ERC1: variants seen among roughly 807,000 people sequenced by gnomAD.
The protein encoded by ERC1 is RAB6 interacting protein 2.
Under a neutral mutation model 132.0 loss-of-function variants are expected in ERC1, and 56 were observed. The observed-to-expected ratio is 0.42, with a 90% CI of 0.34 to 0.53. The LOEUF is 0.53. Among genes scored for constraint, ERC1 ranks in the 20% least tolerant of loss-of-function variants. The pLI is 0.03. For synonymous variants in ERC1, 478 were observed against 476.1 expected (o/e 1.00, Z -0.05); for missense variants, 1,202 against 1,349.9 (o/e 0.89, Z 1.72).
chr12:1,494,240 C>A lies in ERC1; in HGVS notation c.*4010C>A, dbSNP rs2094342853. ...ACTGAGGAGGAAGGATGAGAAGAGA[C>A]TGCAATGCAGCAGGCACCCTCTGCA... On this transcript the variant is annotated 3_prime_UTR_variant, in exon 19 of 19. Transcript: ENST00000360905. 1 of 232,292 alleles carries A rather than the reference C, an allele frequency of 4.3e-6. No individual in the cohort carries two copies. The highest frequency in any genetic ancestry group is 8.5e-6 in the Non-Finnish European group (1 of 117,490). 14.4% of individuals were successfully genotyped at this position (232,292 alleles called of 1,614,324 possible). A position where few individuals can be genotyped will look rare whatever the true frequency, so the allele number is the denominator to read the frequency against.
intron 12 of ERC1, among the ~76,000 whole-genome samples, chr12:1,207,392 G>A (rs1957441218): frequency 6.6e-6 from 1 of 152,104 alleles, no homozygotes; most frequent in South Asian, 2.1e-4. Flanking sequence ...ATGGGCAAGA[G>A]TTTATAACCC....
rs1338507841 is a variant in ERC1 at position 1,110,290 on chromosome 12, A to G, written c.1260A>G (p.Glu420=). 1 of 1,613,708 alleles carries G rather than the reference A, an allele frequency of 6.2e-7. No individual in the cohort carries two copies. The highest frequency in any genetic ancestry group is 8.5e-7 in the Non-Finnish European group (1 of 1,179,768). ...SNGALSTEER[E]EEMKQMEVYR... ...GTGCTTTGAGTACTGAGGAAAGGGA[A>G]GAAGAAATGAAGCAAATGGAAGTGT... is the stretch of plus-strand genomic sequence containing the variant. The change falls in exon 5 of 19, where the codon GAA becomes GAG. Residue 420 remains glutamate (E), a synonymous_variant. Transcript: ENST00000360905.
chr12:1,284,065 A>T (rs768568940), intron 14 of ERC1, among the ~76,000 whole-genome samples: 60 of 151,602 alleles, frequency 4.0e-4, no homozygotes, highest in Non-Finnish European at 6.8e-4. Flanking sequence ...TCTCCCTCCT[A>T]CCCTTCCCAG....
intron 15 of ERC1, among the ~76,000 whole-genome samples, chr12:1,291,636 A>T (rs1448400209): frequency 6.6e-6 from 1 of 152,232 alleles, no homozygotes; most frequent in East Asian, 1.9e-4. Context: ...CCATTTGCAT[A>T]GAAAATTCTT....
At chr12:1,121,785 C>A (rs1443152349) in intron 7 of ERC1, among the ~76,000 whole-genome samples, 299 of 7,412 alleles carry the variant, frequency 0.04, 74 homozygotes, top group African/African-American at 0.063. Flanking sequence ...CTCTATCTAT[C>A]TCTATCTCTA....
chr12:1,201,136 A>G (rs1956878158), intron 12 of ERC1, among the ~76,000 whole-genome samples: 1 of 152,206 alleles, frequency 6.6e-6, no homozygotes, highest in Non-Finnish European at 1.5e-5. Flanking sequence ...AGATTAAACA[A>G]AAGTGTAGAT....
At chr12:1,289,119 A>T (rs1594791030) in intron 14 of ERC1, among the ~76,000 whole-genome samples, 1 of 145,642 alleles carries the variant, frequency 6.9e-6, no homozygotes, top group Middle Eastern at 3.6e-3. Context: ...ACACACACAC[A>T]CACACACACA....
intron 8 of ERC1, among the ~76,000 whole-genome samples, chr12:1,167,366 G>A (rs1952529005): frequency 6.6e-6 from 1 of 152,160 alleles, no homozygotes; most frequent in African/African-American, 2.4e-5. Context: ...CTCATCTGTG[G>A]GAATGGCTGT....
intron 13 of ERC1, among the ~76,000 whole-genome samples, chr12:1,240,107 G>T (rs778931747): frequency 2.0e-5 from 3 of 152,208 alleles, no homozygotes; most frequent in Non-Finnish European, 2.9e-5. Context: ...ACTGGCCTAG[G>T]ATAGACAGTT....
chr12:1,158,454 G>A (rs1281665775), intron 8 of ERC1, among the ~76,000 whole-genome samples: 3 of 151,682 alleles, frequency 2.0e-5, no homozygotes, highest in South Asian at 2.1e-4. Context: ...TTTTGAGAAG[G>A]AGTTTTGCTC....
chr12:1,203,907 G>T (rs527991338), intron 12 of ERC1: 1 of 152,426 alleles, frequency 6.6e-6, no homozygotes, highest in Non-Finnish European at 1.5e-5. Context: ...ACCATTTGAG[G>T]ATTGTGGTAG....
chr12:1,053,941 C>T (rs1262319433), intron 2 of ERC1, among the ~76,000 whole-genome samples: 1 of 152,168 alleles, frequency 6.6e-6, no homozygotes, highest in Admixed American at 6.5e-5. Flanking sequence ...AGAGTGTGAT[C>T]TTTAAGCTAG....
At position 1,341,069 on chromosome 12, in the gene ERC1, C is replaced by CTTTTTTTT. The variant is rs35902573; in HGVS notation, c.2781-30729_2781-30722dup. Among the ~76,000 whole-genome samples, 156 of 63,118 alleles carry CTTTTTTTT rather than the reference C, an allele frequency of 2.5e-3. 32 individuals carry two copies. The highest frequency in any genetic ancestry group is 0.011 in the East Asian group (15 of 1,370). The allele number at this position is 63,118 out of a possible 152,430, so 41.4% of individuals were successfully genotyped here. A position where few individuals can be genotyped will look rare whatever the true frequency, so the allele number is the denominator to read the frequency against. On this transcript the variant is annotated intron_variant, in intron 15 of 18. Coordinates refer to ENST00000360905, the MANE Select transcript of ERC1 (RefSeq NM_178040.4). ...AATGTCCACTTATTCTTTTCTTTTT[C>CTTTTTTTT]TTTTTTTTTTTTTTTTTTTTTTTTT... is the stretch of plus-strand genomic sequence containing the variant.
chr12:1,126,801 A>C (rs1382440560), intron 7 of ERC1, among the ~76,000 whole-genome samples: 1 of 152,090 alleles, frequency 6.6e-6, no homozygotes, highest in Non-Finnish European at 1.5e-5. Context: ...CATTCTGGCC[A>C]ACATGGTGAA....
intron 11 of ERC1, among the ~76,000 whole-genome samples, chr12:1,186,273 AG>A (rs1468687744): frequency 1.6e-4 from 24 of 152,244 alleles, no homozygotes; most frequent in Non-Finnish European, 3.5e-4. Context: ...CTCATTAAAT[AG>A]GTTATGTGGT....
intron 17 of ERC1, among the ~76,000 whole-genome samples, chr12:1,440,827 G>A (rs1253642667): frequency 6.6e-6 from 1 of 151,532 alleles, no homozygotes; most frequent in African/African-American, 2.4e-5. Context: ...CATATTTTTA[G>A]TAGAGACAAG....
At chr12:1,209,953 G>A (rs1361575744) in intron 12 of ERC1, among the ~76,000 whole-genome samples, 1 of 152,160 alleles carries the variant, frequency 6.6e-6, no homozygotes, top group African/African-American at 2.4e-5. Flanking sequence ...CTTTGTTAAA[G>A]GACGTCTGAG....
chr12:1,479,890 C>T (rs912794811), intron 18 of ERC1, among the ~76,000 whole-genome samples: 1 of 152,160 alleles, frequency 6.6e-6, no homozygotes, highest in African/African-American at 2.4e-5. Flanking sequence ...GAGCCGTGCC[C>T]TTTGCACTGA....
chr12:1,405,146 T>TATAAATAAATAAATAAATAAATAAATAA (rs60222703), intron 16 of ERC1, among the ~76,000 whole-genome samples: 4 of 142,202 alleles, frequency 2.8e-5, no homozygotes, highest in East Asian at 2.0e-4. Flanking sequence ...GCTCAAAAAA[T>TATAAATAAATAAATAAATAAATAAATAA]ATAAATAAAT....
Sources: allele counts gnomAD v4.1 joint callset (sites outside exome capture counted in the v4.1 genomes callset), GRCh38; gene constraint gnomAD v4.1.1; transcripts MANE v1.5; gene names NCBI Gene and HGNC (gene_info 2026-07-23, HGNC 2026-07-21).